Variants in GLIS3 observed in about 807,000 individuals in gnomAD.
The protein encoded by GLIS3 is GLIS family zinc finger 3.
Under a neutral mutation model 78.6 loss-of-function variants are expected in GLIS3, and 53 were observed. That is an observed-to-expected ratio of 0.67 (90% CI 0.54 to 0.85). The LOEUF (loss-of-function observed/expected upper bound fraction) is 0.85, where lower values mean the gene tolerates loss of function less well. Ranked by LOEUF, GLIS3 falls within the 40% of genes least tolerant of loss-of-function variation. The pLI is 0.00. For missense variants in GLIS3, 1,703 were observed against 1,231.1 expected (o/e 1.38, Z -5.74); for synonymous variants, 684 against 509.9 (o/e 1.34, Z -4.60).
At chr9:4,310,114 CACTT>C (rs139670503) in intron 3 of GLIS3, among the ~76,000 whole-genome samples, 17,994 of 152,122 alleles carry the variant, frequency 0.12, 1,312 homozygotes, top group Middle Eastern at 0.26. Context: ...TTCTGCTACA[CACTT>C]TTTCTCTTCA....
At chr9:4,103,084 A>G (rs1012971228) in intron 4 of GLIS3, among the ~76,000 whole-genome samples, 13 of 152,176 alleles carry the variant, frequency 8.5e-5, no homozygotes, top group African/African-American at 3.1e-4. Flanking sequence ...CATAGACATG[A>G]ACATCATAAA....
chr9:3,945,099 C>T (rs1396829255), intron 4 of GLIS3, among the ~76,000 whole-genome samples: 3 of 152,194 alleles, frequency 2.0e-5, no homozygotes, highest in African/African-American at 7.2e-5. Flanking sequence ...AAGGCCCCAC[C>T]TCTCAGCACT....
intron 2 of GLIS3, among the ~76,000 whole-genome samples, chr9:4,249,256 A>G (rs1824117243): frequency 6.6e-6 from 1 of 152,202 alleles, no homozygotes; most frequent in African/African-American, 2.4e-5. Flanking sequence ...ATCCATGAAC[A>G]TGGAATGTCC....
intron 2 of GLIS3, among the ~76,000 whole-genome samples, chr9:4,246,134 T>G (rs1042593586): frequency 6.6e-6 from 1 of 152,150 alleles, no homozygotes; most frequent in African/African-American, 2.4e-5. Flanking sequence ...CCCAGCACTT[T>G]GGGAGGCTGA....
intron 9 of GLIS3, among the ~76,000 whole-genome samples, chr9:3,847,272 G>C (rs1819115165): frequency 1.3e-5 from 2 of 152,206 alleles, no homozygotes; most frequent in African/African-American, 4.8e-5. Flanking sequence ...CCAGAGAAAA[G>C]AGGGGCCCAG....
At chr9:4,140,962 C>T (rs1332879637) in intron 2 of GLIS3, among the ~76,000 whole-genome samples, 1 of 152,126 alleles carries the variant, frequency 6.6e-6, no homozygotes, top group Non-Finnish European at 1.5e-5. Context: ...CCACGCTCAG[C>T]TAATTTTTTG....
intron 2 of GLIS3, among the ~76,000 whole-genome samples, chr9:4,342,454 T>C (rs1249251527): frequency 1.3e-5 from 2 of 152,216 alleles, no homozygotes; most frequent in Non-Finnish European, 2.9e-5. Context: ...CATTGGTCTA[T>C]GTGTCTGTGT....
intron 8 of GLIS3, among the ~76,000 whole-genome samples, chr9:3,858,795 G>A (rs756676008): frequency 6.6e-6 from 1 of 152,056 alleles, no homozygotes; most frequent in South Asian, 2.1e-4. Context: ...ACAATTGCTA[G>A]GAACAAGGAA....
chr9:4,114,015 G>A (rs1304729500), intron 4 of GLIS3, among the ~76,000 whole-genome samples: 3 of 78,486 alleles, frequency 3.8e-5, no homozygotes, highest in Non-Finnish European at 7.8e-5. Flanking sequence ...AATTTAAGCG[G>A]AGGCCCACGT....
In GLIS3 at chr9:3,879,518, G is replaced by T. The variant is rs749615607; in HGVS notation, c.2206C>A (p.His736Asn). ...TGTACATTATGTCCTGGAGAAGGGT[G>T]ACTGACAGGATGTGGGGGTGGTACG... ...GAVPPPHPVSHPSPGHNVQGS... is the reference protein window; with the variant it reads ...GAVPPPHPVSNPSPGHNVQGS... The change falls in exon 8 of 11, where the codon CAC (histidine) becomes AAC (asparagine). Residue 736 changes from histidine (H) to asparagine (N), a missense_variant. By Grantham distance (68) the His-to-Asn change is moderately conservative. Transcript: ENST00000381971. 5 of 1,614,050 alleles carry T rather than the reference G, an allele frequency of 3.1e-6. No homozygotes were observed. Among genetic ancestry groups the T allele is most frequent in the Admixed American group, 1.7e-5 (1 of 60,012 alleles).
At chr9:4,200,662 A>C (rs576996845) in intron 2 of GLIS3, among the ~76,000 whole-genome samples, 9 of 152,184 alleles carry the variant, frequency 5.9e-5, no homozygotes, top group African/African-American at 1.9e-4. Flanking sequence ...GAATCAGAAA[A>C]AAACAAACAA....
At chr9:4,413,927 T>C in the GLIS3 span, among the ~76,000 whole-genome samples, 131 of 152,292 alleles carry the variant, frequency 8.6e-4, no homozygotes, top group Middle Eastern at 6.8e-3. Context: ...GCTTATGGAA[T>C]TTAACTATAC....
intron 6 of GLIS3, among the ~76,000 whole-genome samples, chr9:3,902,430 T>A (rs4323521): frequency 0.028 from 4,219 of 152,326 alleles, 81 homozygotes; most frequent in Non-Finnish European, 0.046. Flanking sequence ...GAGGGGTGTC[T>A]TTCAATGTAA....
chr9:4,402,603 C>G, the GLIS3 span, among the ~76,000 whole-genome samples: 1 of 152,018 alleles, frequency 6.6e-6, no homozygotes, highest in African/African-American at 2.4e-5. Context: ...AGAATTCTAT[C>G]AGATAAATTT....
At chr9:3,878,394 G>C (rs976048809) in intron 8 of GLIS3, among the ~76,000 whole-genome samples, 4 of 152,024 alleles carry the variant, frequency 2.6e-5, no homozygotes, top group African/African-American at 9.7e-5. Flanking sequence ...GGTATTCAAC[G>C]GACATTCATT....
intron 7 of GLIS3, among the ~76,000 whole-genome samples, chr9:3,882,733 G>A (rs1056425097): frequency 6.6e-6 from 1 of 152,166 alleles, no homozygotes; most frequent in Admixed American, 6.5e-5. Context: ...CTCTTTTACG[G>A]CCCCATGAGA....
At chr9:4,382,449 A>C in the GLIS3 span, among the ~76,000 whole-genome samples, 1 of 152,090 alleles carries the variant, frequency 6.6e-6, no homozygotes, top group African/African-American at 2.4e-5. Flanking sequence ...TTTTCACACA[A>C]ATCTACAAGA....
intron 4 of GLIS3, among the ~76,000 whole-genome samples, chr9:4,020,647 T>A (rs536941179): frequency 6.6e-6 from 1 of 152,226 alleles, no homozygotes; most frequent in Non-Finnish European, 1.5e-5. Context: ...TCTTGAGATG[T>A]AACAGATTTT....
At position 4,054,376 on chromosome 9, in the gene GLIS3, G is replaced by A. The variant is rs919335744; in HGVS notation, c.1710+63392C>T. On this transcript the variant is annotated intron_variant, in intron 4 of 10. Coordinates refer to ENST00000381971, the MANE Select transcript of GLIS3 (RefSeq NM_001042413.2). The stretch of plus-strand genomic sequence containing the variant: ...CTCAAAAGGCACAGAGCAATAAAAC[G>A]TATTTTCCCAAGCTCAGAGGAACCA... 43 of 985,248 alleles carry A rather than the reference G, an allele frequency of 4.4e-5. No individual in the cohort carries two copies. In the South Asian group the frequency reaches 4.7e-4, roughly 11 times the overall value. The allele number at this position is 985,248 out of a possible 1,614,324, so 61.0% of individuals were successfully genotyped here. A position where few individuals can be genotyped will look rare whatever the true frequency, so the allele number is the denominator to read the frequency against.
Sources: gnomAD v4.1 joint callset for allele counts (sites outside exome capture counted in the v4.1 genomes callset) on GRCh38, gnomAD v4.1.1 for gene constraint, MANE v1.5 for transcripts, NCBI Gene and HGNC (gene_info 2026-07-23, HGNC 2026-07-21) for gene names.